The following EIF2AK1 variants were observed in gnomAD, a reference collection of about 807,000 sequenced individuals.
The protein encoded by EIF2AK1 is eukaryotic translation initiation factor 2-alpha kinase 1.
Under a neutral mutation model 77.9 loss-of-function variants are expected in EIF2AK1, and 54 were observed. That is an observed-to-expected ratio of 0.69 (90% CI 0.56 to 0.87). The LOEUF is 0.87. Ranked by LOEUF, EIF2AK1 falls within the 40% of genes least tolerant of loss-of-function variation. EIF2AK1 has a pLI of 0.00. For missense variants in EIF2AK1, 810 were observed against 768.6 expected, an observed-to-expected ratio of 1.05 and a Z score of -0.64; for synonymous variants, 314 against 290.5, an observed-to-expected ratio of 1.08 and a Z score of -0.82.
chr7:6,031,297 A>G, intron 11 of EIF2AK1: 1 of 1,336,982 alleles, frequency 7.5e-7, no homozygotes, highest in Non-Finnish European at 1.0e-6. Flanking sequence ...CTAGAACTGA[A>G]CTGAAAGAAT....
At chr7:6,045,732 A>ATT (rs1384938495) in intron 6 of EIF2AK1, among the ~76,000 whole-genome samples, 2 of 127,432 alleles carry the variant, frequency 1.6e-5, no homozygotes, top group South Asian at 2.5e-4. Flanking sequence ...TATTTTAAAA[A>ATT]TTATATATAT....
At chr7:6,031,920 T>A (rs1787923138) in intron 11 of EIF2AK1, among the ~76,000 whole-genome samples, 1 of 152,208 alleles carries the variant, frequency 6.6e-6, no homozygotes, top group Non-Finnish European at 1.5e-5. Flanking sequence ...ATGCCTGTAA[T>A]CCCAGCACTT....
chr7:6,055,676 TAAAAAA>T (rs34819894), intron 1 of EIF2AK1, among the ~76,000 whole-genome samples: 2 of 116,250 alleles, frequency 1.7e-5, no homozygotes, highest in Admixed American at 8.8e-5. Context: ...ACTAAACAGG[TAAAAAA>T]AAAAAAAAAA....
chr7:6,026,653 C>T (rs1787755396), intron 14 of EIF2AK1, 75 bp downstream of exon 14: 1 of 1,248,162 alleles, frequency 8.0e-7, no homozygotes, highest in South Asian at 1.2e-5. Context: ...GGGGCACCAC[C>T]CAACCGCTTC....
At chr7:6,047,417 G>C (rs564862590) in intron 4 of EIF2AK1, among the ~76,000 whole-genome samples, 3 of 152,154 alleles carry the variant, frequency 2.0e-5, no homozygotes, top group Non-Finnish European at 4.4e-5. Flanking sequence ...GCTCACGCCT[G>C]TAATCCCAGC....
At chr7:6,049,783 T>C (rs1268496902) in intron 3 of EIF2AK1, 129 bp downstream of exon 3, 115 of 891,464 alleles carry the variant, frequency 1.3e-4, no homozygotes, top group South Asian at 4.7e-4. Flanking sequence ...CACACCACCA[T>C]GCCTGGCCTA....
intron 14 of EIF2AK1, among the ~76,000 whole-genome samples, chr7:6,025,866 CA>C (rs1279013274): frequency 1.3e-5 from 2 of 152,118 alleles, no homozygotes; most frequent in African/African-American, 4.8e-5. Flanking sequence ...CTCCTAACAT[CA>C]GGCAATCCTC....
intron 9 of EIF2AK1, among the ~76,000 whole-genome samples, chr7:6,039,390 G>A (rs1271711307): frequency 6.6e-6 from 1 of 152,066 alleles, no homozygotes; most frequent in Non-Finnish European, 1.5e-5. Flanking sequence ...GGAAGGCCAA[G>A]GCAGGTGGAT....
intron 2 of EIF2AK1, among the ~76,000 whole-genome samples, chr7:6,051,095 A>G (rs1423529141): frequency 1.3e-5 from 2 of 152,276 alleles, no homozygotes; most frequent in African/African-American, 2.4e-5. Flanking sequence ...ATGAGAACTT[A>G]CAACAAAAGT....
At chr7:6,055,342 CAAAAAA>C (rs58804557) in intron 1 of EIF2AK1, among the ~76,000 whole-genome samples, 1 of 70,222 alleles carries the variant, frequency 1.4e-5, no homozygotes, top group African/African-American at 6.1e-5. Flanking sequence ...AACTCCGTCT[CAAAAAA>C]AAAAAAAAAA....
chr7:6,042,740 C>T (rs1032013715), intron 8 of EIF2AK1, among the ~76,000 whole-genome samples, 193 bp downstream of exon 8: 2 of 152,088 alleles, frequency 1.3e-5, no homozygotes, highest in Non-Finnish European at 2.9e-5. Context: ...GTGGCGGGCA[C>T]CTATAGTCCC....
rs1204034720 is a variant in EIF2AK1, at chr7:6,036,325, T to G, written c.1332+1099A>C. 1.3e-6 allele frequency: 2 copies of G among 1,541,910 alleles called. No individual in the cohort carries two copies. The highest frequency in any genetic ancestry group is 4.9e-5 in the East Asian group (2 of 40,870). On this transcript the variant is annotated intron_variant, in intron 11 of 14. Transcript: ENST00000199389. This position sits in a 1 kb window ranked among gnomAD's most constrained non-coding sequence, Gnocchi z 4.6. Reference sequence around the variant, plus strand: ...AAATACAAACAGCACTTGAAGCAATTCCTCCCAGTGACAATATGGAATTCT... The same window carrying G: ...AAATACAAACAGCACTTGAAGCAATGCCTCCCAGTGACAATATGGAATTCT...
At chr7:6,049,616 G>GCCTCT (rs1788547013) in intron 3 of EIF2AK1, among the ~76,000 whole-genome samples, 1 of 146,504 alleles carries the variant, frequency 6.8e-6, no homozygotes, top group East Asian at 2.0e-4. Context: ...CCTCTCCTTT[G>GCCTCT]CCTCTCCTCT....
intron 1 of EIF2AK1, 63 bp from the exon 2 acceptor site, chr7:6,054,767 C>T (rs546450282): frequency 1.8e-5 from 25 of 1,420,378 alleles, no homozygotes; most frequent in East Asian, 2.3e-5. Flanking sequence ...ATGACAAAAC[C>T]GTATATTCTA....
rs1308401240 is a variant in EIF2AK1, at chr7:6,023,233, T to C, written c.*1440A>G. ...TCTGTGGTGTTTGGTGACTGTCCCC[T>C]TCCCCACTGTGCGAGTACTTCCCTC... On this transcript the variant is annotated 3_prime_UTR_variant, in exon 15 of 15. Coordinates refer to ENST00000199389, the MANE Select transcript of EIF2AK1 (RefSeq NM_014413.4). 3 of 1,499,962 alleles carry C rather than the reference T, an allele frequency of 2.0e-6. No individual in the cohort carries two copies. The highest frequency in any genetic ancestry group is 2.7e-5 in the South Asian group (2 of 74,826). The allele number at this position is 1,499,962 out of a possible 1,614,324, so 92.9% of individuals were successfully genotyped here.
At position 6,027,911 on chromosome 7, in the gene EIF2AK1, TA is replaced by T. The variant is rs1001702206; in HGVS notation, c.1530+703del. The T allele has an allele frequency of 8.9e-6, 4 of 451,008 alleles. No individual in the cohort carries two copies. The highest frequency in any genetic ancestry group is 1.8e-5 in the Non-Finnish European group (4 of 225,400). 27.9% of individuals were successfully genotyped at this position (451,008 alleles called of 1,614,324 possible). Reference sequence around the variant, plus strand: ...ACCCATCTCTACAAATAATTTTTTTTATTAGCTGGGTGTGGTAGCACAACTC... The same window carrying T: ...ACCCATCTCTACAAATAATTTTTTTTTTAGCTGGGTGTGGTAGCACAACTC... On this transcript the variant is annotated intron_variant, in intron 13 of 14. Transcript: ENST00000199389. This position sits in a 1 kb window ranked among gnomAD's most constrained non-coding sequence, Gnocchi z 4.5.
In EIF2AK1 at chr7:6,023,536, G is replaced by A. The variant is rs770771902; in HGVS notation, c.*1137C>T. 18 of 1,614,214 alleles carry A rather than the reference G, an allele frequency of 1.1e-5. No homozygotes were observed. In the East Asian group the frequency reaches 2.7e-4, roughly 24 times the overall value. ...TGCTCTTGGGAAGAGCCCTTGGCTC[G>A]CTGGGAATGAACTCACCGTAGCAGA... On this transcript the variant is annotated 3_prime_UTR_variant, in exon 15 of 15. Coordinates refer to ENST00000199389, the MANE Select transcript of EIF2AK1 (RefSeq NM_014413.4).
intron 3 of EIF2AK1, among the ~76,000 whole-genome samples, chr7:6,049,358 A>G (rs1301159777): frequency 1.3e-5 from 2 of 152,204 alleles, no homozygotes; most frequent in African/African-American, 4.8e-5. Flanking sequence ...CCTGGCCAAC[A>G]TGAAGAAACT....
At chr7:6,055,342 CAAAAAAAAAA>C (rs58804557) in intron 1 of EIF2AK1, among the ~76,000 whole-genome samples, 3 of 70,236 alleles carry the variant, frequency 4.3e-5, no homozygotes, top group South Asian at 6.2e-4. Flanking sequence ...AACTCCGTCT[CAAAAAAAAAA>C]AAAAAAAAAA....
Sources: gnomAD v4.1 joint callset for allele counts (sites outside exome capture counted in the v4.1 genomes callset) on GRCh38, gnomAD v4.1.1 for gene constraint, Gnocchi (gnomAD v3.1) non-coding constraint, MANE v1.5 for transcripts, NCBI Gene and HGNC (gene_info 2026-07-23, HGNC 2026-07-21) for gene names.